Variants in PTPRD observed in about 807,000 individuals in gnomAD.
The protein encoded by PTPRD is protein tyrosine phosphatase receptor type D.
In PTPRD, 34 loss-of-function variants were observed where a neutral mutation model predicts 214.5. The ratio of observed to expected loss-of-function variants is 0.16; its 90% confidence interval spans 0.12 to 0.21. The LOEUF (loss-of-function observed/expected upper bound fraction) is 0.21. Among genes scored for constraint, PTPRD ranks in the 10% least tolerant of loss-of-function variants. The pLI, the probability that PTPRD is intolerant of heterozygous loss-of-function variation, is 1.00. For synonymous variants in PTPRD, 1,128 were observed against 845.7 expected (o/e 1.33, Z -5.79); for missense variants, 2,545 against 2,398.7 (o/e 1.06, Z -1.27).
intron 3 of PTPRD, among the ~76,000 whole-genome samples, chr9:10,282,869 G>A (rs1490928244): frequency 1.3e-5 from 2 of 152,032 alleles, no homozygotes; most frequent in African/African-American, 4.8e-5. Flanking sequence ...TGATACACGT[G>A]TACCTCAAAG....
intron 11 of PTPRD, among the ~76,000 whole-genome samples, chr9:8,849,592 A>G (rs758042124): frequency 1.3e-5 from 2 of 152,168 alleles, no homozygotes; most frequent in African/African-American, 2.4e-5. Flanking sequence ...TTAGAAAATG[A>G]GAGAATAATA....
At position 9,967,296 on chromosome 9, in the gene PTPRD, A is replaced by G. The variant is rs1028781559; in HGVS notation, c.-471-28686T>C. ...GTTAGCAATTCTTGTCATTATCATT[A>G]TTAGCAATAAAGTGACAAATTTGTA... On this transcript the variant is annotated intron_variant, in intron 4 of 45. Transcript: ENST00000381196. Among the ~76,000 whole-genome samples, 126 of 152,152 alleles carry G rather than the reference A, an allele frequency of 8.3e-4. 1 individual carries two copies. The highest frequency in any genetic ancestry group is 1.6e-3 in the Non-Finnish European group (107 of 68,008).
intron 5 of PTPRD, among the ~76,000 whole-genome samples, chr9:9,859,118 G>A (rs1007390963): frequency 1.3e-5 from 2 of 152,144 alleles, no homozygotes; most frequent in Non-Finnish European, 2.9e-5. Flanking sequence ...ACTCCCCCAT[G>A]CTCACACGCA....
chr9:9,654,681 T>C (rs2096463171), intron 7 of PTPRD, among the ~76,000 whole-genome samples: 1 of 152,214 alleles, frequency 6.6e-6, no homozygotes. Flanking sequence ...GTTAAAATAT[T>C]CTGATTCTGA....
chr9:10,448,177 A>G (rs916109362), intron 2 of PTPRD, among the ~76,000 whole-genome samples: 1 of 152,064 alleles, frequency 6.6e-6, no homozygotes, highest in South Asian at 2.1e-4. Context: ...CTACATTACC[A>G]TAACTAAATA....
intron 11 of PTPRD, among the ~76,000 whole-genome samples, chr9:8,738,227 C>T (rs1366723191): frequency 6.6e-6 from 1 of 152,106 alleles, no homozygotes; most frequent in Non-Finnish European, 1.5e-5. Flanking sequence ...GCCTAAAAGC[C>T]TTAACAAATC....
chr9:8,528,251 C>A (rs2074728341), intron 15 of PTPRD: 2 of 423,702 alleles, frequency 4.7e-6, no homozygotes, highest in South Asian at 9.3e-5. Context: ...AAATTTGTTT[C>A]AAAAGAAAAC....
chr9:8,996,364 C>T (rs2099396660), intron 11 of PTPRD, among the ~76,000 whole-genome samples: 1 of 151,972 alleles, frequency 6.6e-6, no homozygotes, highest in South Asian at 2.1e-4. Flanking sequence ...ATGAAAGCAG[C>T]CAGAGTCAAG....
intron 3 of PTPRD, among the ~76,000 whole-genome samples, chr9:10,321,861 T>C (rs2154428079): frequency 6.6e-6 from 1 of 152,152 alleles, no homozygotes; most frequent in South Asian, 2.1e-4. Flanking sequence ...TCAGTTTTTT[T>C]CGGAAGAGGA....
At chr9:10,536,841 T>C (rs567099171) in intron 2 of PTPRD, among the ~76,000 whole-genome samples, 1 of 152,304 alleles carries the variant, frequency 6.6e-6, no homozygotes, top group East Asian at 1.9e-4. Context: ...GATCATGCCC[T>C]ATTTCATGGT....
At chr9:9,919,150 T>C (rs2081821044) in intron 5 of PTPRD, among the ~76,000 whole-genome samples, 1 of 152,158 alleles carries the variant, frequency 6.6e-6, no homozygotes, top group Admixed American at 6.6e-5. Context: ...GTCATATTAT[T>C]TAAATTTTAG....
At chr9:8,515,912 T>G (rs2097774021) in intron 21 of PTPRD, among the ~76,000 whole-genome samples, 1 of 152,172 alleles carries the variant, frequency 6.6e-6, no homozygotes, top group African/African-American at 2.4e-5. Flanking sequence ...GTTATTATTA[T>G]AGACTAGAAA....
intron 8 of PTPRD, among the ~76,000 whole-genome samples, chr9:9,520,947 G>T (rs553477652): frequency 6.6e-6 from 1 of 152,214 alleles, no homozygotes; most frequent in Non-Finnish European, 1.5e-5. Flanking sequence ...GAATCATCTG[G>T]GAGGCTTGTA....
chr9:10,135,486 T>C (rs1046795833), intron 3 of PTPRD, among the ~76,000 whole-genome samples: 1 of 151,948 alleles, frequency 6.6e-6, no homozygotes, highest in East Asian at 1.9e-4. Context: ...AAAAGAAGTG[T>C]CAGATCACTT....
chr9:8,957,538 A>C (rs1017882196), intron 11 of PTPRD, among the ~76,000 whole-genome samples: 2 of 151,826 alleles, frequency 1.3e-5, no homozygotes, highest in African/African-American at 4.8e-5. Context: ...CCTCTCATCA[A>C]ATCACTGTCT....
intron 7 of PTPRD, among the ~76,000 whole-genome samples, chr9:9,689,105 A>C (rs528894156): frequency 6.6e-6 from 1 of 152,054 alleles, no homozygotes; most frequent in African/African-American, 2.4e-5. Context: ...GAGTGTTTTT[A>C]TCCTTTTCTG....
intron 9 of PTPRD, among the ~76,000 whole-genome samples, chr9:9,351,574 C>A (rs548458431): frequency 1.3e-5 from 2 of 152,158 alleles, no homozygotes; most frequent in East Asian, 1.9e-4. Context: ...AGCCTAGACA[C>A]CCTGACACAG....
At chr9:10,168,773 C>G (rs534220366) in intron 3 of PTPRD, among the ~76,000 whole-genome samples, 1 of 152,002 alleles carries the variant, frequency 6.6e-6, no homozygotes. Flanking sequence ...GTAAAACAAA[C>G]TAGGAATTTC....
chr9:9,890,637 T>A (rs2072969816), intron 5 of PTPRD, among the ~76,000 whole-genome samples: 1 of 152,054 alleles, frequency 6.6e-6, no homozygotes, highest in East Asian at 1.9e-4. Flanking sequence ...GGGATGGGAC[T>A]CAATGAATGA....
Sources: gnomAD v4.1 joint callset for allele counts (sites outside exome capture counted in the v4.1 genomes callset) on GRCh38, gnomAD v4.1.1 for gene constraint, MANE v1.5 for transcripts, NCBI Gene and HGNC (gene_info 2026-07-23, HGNC 2026-07-21) for gene names.